The following GAP43 variants were observed in gnomAD, a reference collection of about 807,000 sequenced individuals.
GAP43 encodes neuromodulin.
A neutral mutation model predicts 18.6 loss-of-function variants in GAP43; 6 were observed. The observed-to-expected ratio is 0.32, with a 90% CI of 0.18 to 0.64. The LOEUF (loss-of-function observed/expected upper bound fraction) is 0.64. Among genes scored for constraint, GAP43 ranks in the 30% least tolerant of loss-of-function variants. The pLI is 0.78. For missense variants in GAP43, 292 were observed against 295.5 expected (o/e 0.99, Z 0.09); for synonymous variants, 115 against 111.4 (o/e 1.03, Z -0.20).
intron 2 of GAP43, among the ~76,000 whole-genome samples, chr3:115,702,354 TAC>T (rs1271374653): frequency 6.6e-6 from 1 of 152,038 alleles, no homozygotes; most frequent in Admixed American, 6.6e-5. Flanking sequence ...AGTTTTCTGA[TAC>T]AGAGTCTACA....
At chr3:115,702,253 G>C (rs947926467) in intron 2 of GAP43, among the ~76,000 whole-genome samples, 1 of 152,118 alleles carries the variant, frequency 6.6e-6, no homozygotes, top group African/African-American at 2.4e-5. Context: ...TATGCTTACA[G>C]TGATCTTTAA....
chr3:115,643,232 A>G (rs907903477), intron 1 of GAP43, among the ~76,000 whole-genome samples: 1 of 152,208 alleles, frequency 6.6e-6, no homozygotes, highest in East Asian at 1.9e-4. Context: ...GTAAAGATGC[A>G]ATGGCAATTA....
At chr3:115,624,040 G>T (rs953411245) in intron 1 of GAP43, among the ~76,000 whole-genome samples, 1 of 151,994 alleles carries the variant, frequency 6.6e-6, no homozygotes, top group Non-Finnish European at 1.5e-5. Context: ...AAAGGGGTGT[G>T]GGGGAGATGA....
Position 115,676,355 on chromosome 3 carries a change from C to G in GAP43, c.373C>G (p.Pro125Ala). The change falls in exon 2 of 3, where the codon CCC (proline) becomes GCC (alanine). Residue 125 changes from proline (P) to alanine (A), a missense_variant. Coordinates refer to ENST00000305124, the MANE Select transcript of GAP43 (RefSeq NM_002045.4). Reference protein sequence around the residue: ...EGDAATEQAAPQAPASSEEKA... With the variant: ...EGDAATEQAAAQAPASSEEKA... ...TGATGCTGCCACAGAGCAGGCAGCC[C>G]CCCAGGCTCCTGCATCCTCAGAGGA... 6.2e-7 allele frequency: 1 copy of G among 1,614,044 alleles called. No individual in the cohort carries two copies. Among genetic ancestry groups the G allele is most frequent in the Non-Finnish European group, 8.5e-7 (1 of 1,179,974 alleles).
At chr3:115,689,823 C>T (rs1429331399) in intron 2 of GAP43, among the ~76,000 whole-genome samples, 5 of 151,752 alleles carry the variant, frequency 3.3e-5, no homozygotes, top group Admixed American at 6.6e-5. Flanking sequence ...GACCAGAAAT[C>T]GATCAGGGGA....
intron 2 of GAP43, among the ~76,000 whole-genome samples, chr3:115,706,605 C>T (rs779986659): frequency 6.6e-6 from 1 of 152,284 alleles, no homozygotes; most frequent in East Asian, 1.9e-4. Context: ...TGCTTAGTAG[C>T]CTTGATTCTT....
rs368022130 is a variant in GAP43, at chr3:115,661,778, G to A, written c.31-14235G>A. Among the ~76,000 whole-genome samples the A allele has an allele frequency of 8.4e-4, 122 of 144,510 alleles. 1 individual carries two copies. The highest frequency in any genetic ancestry group is 2.9e-3 in the African/African-American group (115 of 39,054). The allele number at this position is 144,510 out of a possible 152,430, so 94.8% of individuals were successfully genotyped here. Reference sequence around the variant, plus strand: ...GCTGGGATTACAGGTGTGAGCCACCGCACCCAGCAATATGACTTTGAATCG... The same window carrying A: ...GCTGGGATTACAGGTGTGAGCCACCACACCCAGCAATATGACTTTGAATCG... On this transcript the variant is annotated intron_variant, in intron 1 of 2. Transcript: ENST00000305124.
chr3:115,658,695 G>C (rs1299448658), intron 1 of GAP43: 1 of 152,190 alleles, frequency 6.6e-6, no homozygotes, highest in Non-Finnish European at 1.5e-5. Context: ...GCAGACCTCC[G>C]GGGAGGCCTC....
At chr3:115,697,207 A>AAT (rs1553724503) in intron 2 of GAP43, among the ~76,000 whole-genome samples, 29 of 151,894 alleles carry the variant, frequency 1.9e-4, no homozygotes, top group African/African-American at 6.5e-4. Flanking sequence ...TATTTATAAT[A>AAT]ATAAACTTCA....
intron 1 of GAP43, among the ~76,000 whole-genome samples, chr3:115,674,526 T>C (rs934712837): frequency 6.6e-6 from 1 of 152,224 alleles, no homozygotes; most frequent in Non-Finnish European, 1.5e-5. Context: ...TGCTAGTCTC[T>C]TGTCTTTAGT....
At chr3:115,659,387 G>A (rs1393709158) in intron 1 of GAP43, among the ~76,000 whole-genome samples, 4 of 152,078 alleles carry the variant, frequency 2.6e-5, no homozygotes, top group Non-Finnish European at 5.9e-5. Context: ...TTTTCGGGGG[G>A]GAGGGTAAAC....
chr3:115,661,730 C>G (rs1708661835), intron 1 of GAP43, among the ~76,000 whole-genome samples: 1 of 151,836 alleles, frequency 6.6e-6, no homozygotes, highest in Non-Finnish European at 1.5e-5. Context: ...CCTCGTGATC[C>G]ACCCGCCTCG....
chr3:115,659,800 C>G (rs1267784607), intron 1 of GAP43, among the ~76,000 whole-genome samples: 3 of 151,734 alleles, frequency 2.0e-5, no homozygotes, highest in African/African-American at 7.3e-5. Context: ...AGAACCTTCC[C>G]TCTCTGTTTT....
At chr3:115,692,151 T>C (rs1288504801) in intron 2 of GAP43, among the ~76,000 whole-genome samples, 3 of 152,174 alleles carry the variant, frequency 2.0e-5, no homozygotes, top group Non-Finnish European at 4.4e-5. Context: ...TGCACAAAAA[T>C]ATTATGATGC....
At chr3:115,698,106 A>T (rs1394645782) in intron 2 of GAP43, among the ~76,000 whole-genome samples, 5 of 45,792 alleles carry the variant, frequency 1.1e-4, no homozygotes, top group Non-Finnish European at 1.7e-4. Context: ...TATAATATAT[A>T]AAATATATAA....
chr3:115,715,552 G>A (rs1403610150), intron 2 of GAP43, among the ~76,000 whole-genome samples: 2 of 152,174 alleles, frequency 1.3e-5, no homozygotes, highest in African/African-American at 4.8e-5. Flanking sequence ...CATGGTAATT[G>A]GAGTGACCAG....
intron 2 of GAP43, among the ~76,000 whole-genome samples, chr3:115,696,759 A>G (rs181250873): frequency 9.6e-4 from 144 of 150,668 alleles, no homozygotes; most frequent in Non-Finnish European, 1.7e-3. Flanking sequence ...TGTCACCCCA[A>G]CCTCATCCCA....
At chr3:115,650,763 A>G (rs150154632) in intron 1 of GAP43, among the ~76,000 whole-genome samples, 11 of 151,912 alleles carry the variant, frequency 7.2e-5, no homozygotes, top group Non-Finnish European at 1.5e-4. Flanking sequence ...TTTTAAAATC[A>G]TACTCTAGTC....
chr3:115,683,346 G>C (rs1353634281), intron 2 of GAP43, among the ~76,000 whole-genome samples: 1 of 152,018 alleles, frequency 6.6e-6, no homozygotes, highest in Non-Finnish European at 1.5e-5. Context: ...TTAGATAGAG[G>C]GGCAAAGAAT....
Sources: gnomAD v4.1 joint callset for allele counts (sites outside exome capture counted in the v4.1 genomes callset) on GRCh38, gnomAD v4.1.1 for gene constraint, MANE v1.5 for transcripts, NCBI Gene and HGNC (gene_info 2026-07-23, HGNC 2026-07-21) for gene names.